The following CDH20 variants were observed in gnomAD, a reference collection of about 807,000 sequenced individuals.
CDH20 encodes cadherin-20.
Under a neutral mutation model 74.2 loss-of-function variants are expected in CDH20, and 29 were observed. The observed-to-expected ratio is 0.39, with a 90% confidence interval of 0.29 to 0.53. The LOEUF is 0.53. CDH20 is among the 20% of genes least tolerant of loss of function. The pLI is 0.69. For missense variants in CDH20, 988 were observed against 1,048.3 expected, an observed-to-expected ratio of 0.94 and a Z score of 0.79; for synonymous variants, 469 against 405.4, an observed-to-expected ratio of 1.16 and a Z score of -1.88.
chr18:61,390,880 G>A (rs1017184588), intron 1 of CDH20, among the ~76,000 whole-genome samples: 3 of 152,008 alleles, frequency 2.0e-5, no homozygotes, highest in South Asian at 2.1e-4. Context: ...ATATAGCATT[G>A]GAAAACCTTT....
Position 61,502,867 on chromosome 18 carries a change from T to G in CDH20, c.662-86T>G, listed in dbSNP as rs1287998296. ...GCACCTCACTTCTAGGCATTAATGG[T>G]GCACCAGGGAGACACCTAGAAACCA... On this transcript the variant is annotated intron_variant, in intron 4 of 11. Transcript: ENST00000262717. 9.0e-6 allele frequency: 10 copies of G among 1,107,192 alleles called. No homozygotes were observed. In the African/African-American group the frequency reaches 1.4e-4, roughly 16 times the overall value. The allele number at this position is 1,107,192 out of a possible 1,614,324, so 68.6% of individuals were successfully genotyped here.
In CDH20 at chr18:61,490,603, G is replaced by A; in HGVS notation, c.50G>A (p.Gly17Asp). 1 of 1,614,102 alleles carries A rather than the reference G, an allele frequency of 6.2e-7. No individual in the cohort carries two copies. Among genetic ancestry groups the A allele is most frequent in the Non-Finnish European group, 8.5e-7 (1 of 1,179,992 alleles). ...AATGCAAAGAACTGGCTTGGACTTG[G>A]CATGTCCTTGTACTTCTGGGGGCTG... is the stretch of plus-strand genomic sequence containing the variant. ...MSNAKNWLGL[G>D]MSLYFWGLMD... The change falls in exon 2 of 12, where the codon GGC becomes GAC. Residue 17 changes from glycine (G) to aspartate (D), a missense_variant. Gly to Asp is a moderately conservative substitution (Grantham distance 94, BLOSUM62 -1). Around this residue, in one of 2 missense-constraint regions of CDH20, gnomAD observed 613 missense variants for 755.2 expected, o/e 0.81. Transcript: ENST00000262717.
intron 6 of CDH20, among the ~76,000 whole-genome samples, chr18:61,514,091 G>T (rs376818871): frequency 2.0e-5 from 3 of 152,198 alleles, no homozygotes; most frequent in Non-Finnish European, 4.4e-5. Context: ...ATCCTGCAGC[G>T]TGTTTTCCAA....
intron 1 of CDH20, among the ~76,000 whole-genome samples, chr18:61,445,649 AC>A (rs1488002043): frequency 6.6e-6 from 1 of 152,248 alleles, no homozygotes; most frequent in Admixed American, 6.5e-5. Context: ...TCTTTGGACA[AC>A]CACACTGACA....
chr18:61,494,015 A>G (rs879580972), intron 2 of CDH20, among the ~76,000 whole-genome samples: 3 of 152,202 alleles, frequency 2.0e-5, no homozygotes, highest in Non-Finnish European at 2.9e-5. Flanking sequence ...CCACAGTACT[A>G]TGTGTCGGTC....
chr18:61,404,951 T>C, intron 1 of CDH20: 1 of 711,804 alleles, frequency 1.4e-6, no homozygotes, highest in Non-Finnish European at 2.6e-6. Context: ...AGTATTTTCC[T>C]CATGCTGCGC....
chr18:61,524,239 A>G (rs969642613), intron 6 of CDH20, among the ~76,000 whole-genome samples: 2 of 152,180 alleles, frequency 1.3e-5, no homozygotes, highest in Non-Finnish European at 2.9e-5. Flanking sequence ...AATCAGAACT[A>G]CAATGAGATA....
At chr18:61,357,975 C>T (rs1003517929) in intron 1 of CDH20, among the ~76,000 whole-genome samples, 1 of 152,152 alleles carries the variant, frequency 6.6e-6, no homozygotes, top group African/African-American at 2.4e-5. Context: ...CCCCGAACTG[C>T]TGCATGGTTC....
At chr18:61,413,837 A>G (rs1912594875) in intron 1 of CDH20, among the ~76,000 whole-genome samples, 1 of 152,176 alleles carries the variant, frequency 6.6e-6, no homozygotes, top group Non-Finnish European at 1.5e-5. Flanking sequence ...CAAATGGAGA[A>G]GAATTTTCAA....
At chr18:61,400,265 G>A (rs1374044860) in intron 1 of CDH20, among the ~76,000 whole-genome samples, 1 of 152,144 alleles carries the variant, frequency 6.6e-6, no homozygotes, top group African/African-American at 2.4e-5. Context: ...GGAGGTCCAT[G>A]GGGCCTCTCC....
rs551169500 is a variant in CDH20, at chr18:61,528,341, CTT to C, written c.1271+123_1271+124del. ...CTATCCCATTTCTGGAGACTCTCCT[CTT>C]TGAGTTTTTTGTGTTGTTTTTTTTT... On this transcript the variant is annotated intron_variant, in intron 7 of 11. Transcript: ENST00000262717. 416 of 1,016,084 alleles carry C rather than the reference CTT, an allele frequency of 4.1e-4. 8 individuals are homozygous for C. In the South Asian group the frequency reaches 6.5e-3, roughly 16 times the overall value. 62.9% of individuals were successfully genotyped at this position (1,016,084 alleles called of 1,614,324 possible).
intron 1 of CDH20, among the ~76,000 whole-genome samples, chr18:61,404,159 T>C (rs895347975): frequency 6.6e-6 from 1 of 152,210 alleles, no homozygotes; most frequent in Non-Finnish European, 1.5e-5. Context: ...CAAACCACCA[T>C]GGCACACCTT....
chr18:61,512,884 C>A (rs1260060614), intron 6 of CDH20, among the ~76,000 whole-genome samples: 1 of 152,110 alleles, frequency 6.6e-6, no homozygotes, highest in Non-Finnish European at 1.5e-5. Context: ...GTTATAATTT[C>A]TGTTCTTTTA....
Position 61,490,484 on chromosome 18 carries a change from TAAA to T in CDH20, c.-69_-67del. The stretch of plus-strand genomic sequence containing the variant: ...TCCAATCAAAAACTGTGTATTTTTT[TAAA>T]TTTGGAAAATACTCAAGTTCCAGTT... On this transcript the variant is annotated 5_prime_UTR_variant, in exon 2 of 12. Transcript: ENST00000262717. 1 of 1,507,634 alleles carries T rather than the reference TAAA, an allele frequency of 6.6e-7. No individual in the cohort carries two copies. The highest frequency in any genetic ancestry group is 9.1e-7 in the Non-Finnish European group (1 of 1,096,604). The allele number at this position is 1,507,634 out of a possible 1,614,324, so 93.4% of individuals were successfully genotyped here.
At chr18:61,532,551 TATATAC>T (rs35459348) in intron 7 of CDH20, among the ~76,000 whole-genome samples, 3,711 of 20,716 alleles carry the variant, frequency 0.18, 47 homozygotes, top group Admixed American at 0.25. Context: ...TATATATATA[TATATAC>T]ACACACACAC....
At chr18:61,399,699 G>T (rs1421405595) in intron 1 of CDH20, among the ~76,000 whole-genome samples, 2 of 152,062 alleles carry the variant, frequency 1.3e-5, no homozygotes, top group Non-Finnish European at 2.9e-5. Flanking sequence ...TATTGGAATG[G>T]AAAAAATTTG....
intron 6 of CDH20, among the ~76,000 whole-genome samples, chr18:61,509,826 TAAG>T (rs1911716115): frequency 1.3e-5 from 2 of 151,966 alleles, no homozygotes; most frequent in African/African-American, 4.8e-5. Flanking sequence ...ATGGAGGTGA[TAAG>T]AAGTGGTCAG....
At chr18:61,502,674 A>AG (rs1911424914) in intron 4 of CDH20, among the ~76,000 whole-genome samples, 1 of 152,192 alleles carries the variant, frequency 6.6e-6, no homozygotes, top group African/African-American at 2.4e-5. Flanking sequence ...GATCTGTAAG[A>AG]GAAACATTGC....
chr18:61,335,243 C>G (rs945746861), intron 1 of CDH20, among the ~76,000 whole-genome samples: 2 of 152,166 alleles, frequency 1.3e-5, no homozygotes, highest in Non-Finnish European at 2.9e-5. Context: ...TTTAGTGTCA[C>G]CCTTGCAGTC....
Sources: allele counts gnomAD v4.1 joint callset (sites outside exome capture counted in the v4.1 genomes callset), GRCh38; gene constraint gnomAD v4.1.1; regional missense constraint gnomAD v4.1.1; transcripts MANE v1.5; gene names NCBI Gene and HGNC (gene_info 2026-07-23, HGNC 2026-07-21).